The following FAM13C variants were observed in gnomAD, a reference collection of about 807,000 sequenced individuals.
FAM13C encodes family with sequence similarity 13 member C.
A neutral mutation model predicts 73.2 loss-of-function variants in FAM13C; 37 were observed. That is an observed-to-expected ratio of 0.51 (90% CI 0.39 to 0.67). The LOEUF (loss-of-function observed/expected upper bound fraction) is 0.67. Ranked by LOEUF, FAM13C falls within the 30% of genes least tolerant of loss-of-function variation. The probability of loss-of-function intolerance (pLI) is 0.00; values close to 1 mark genes in which losing one functional copy is unlikely to be tolerated. For missense variants in FAM13C, 589 were observed against 715.6 expected, an observed-to-expected ratio of 0.82 and a Z score of 2.02; for synonymous variants, 246 against 260.9, an observed-to-expected ratio of 0.94 and a Z score of 0.55.
At position 59,351,087 on chromosome 10, in the gene FAM13C, G is replaced by A. The variant is rs1271001096; in HGVS notation, c.324+1183C>T. Among the ~76,000 whole-genome samples the A allele has an allele frequency of 7.2e-5, 11 of 151,920 alleles. No homozygotes were observed. In the East Asian group the frequency reaches 1.7e-3, roughly 24 times the overall value. ...GCGTGGTGGCTCACTTTCACAACCC[G>A]AGCACTTTGGGAGGCTGAGGCAGGT... On this transcript the variant is annotated intron_variant, in intron 3 of 13. Transcript: ENST00000618804.
chr10:59,262,272 T>C (rs1449396099), intron 10 of FAM13C, among the ~76,000 whole-genome samples, 162 bp downstream of exon 10: 2 of 152,170 alleles, frequency 1.3e-5, no homozygotes, highest in Non-Finnish European at 2.9e-5. Context: ...CATGTGGCAC[T>C]ACTGCTCGTG....
chr10:59,356,917 C>T (rs528320366), intron 1 of FAM13C, among the ~76,000 whole-genome samples: 1 of 152,166 alleles, frequency 6.6e-6, no homozygotes, highest in Non-Finnish European at 1.5e-5. Flanking sequence ...ACTTGCTGAG[C>T]CATCTGGCCT....
intron 3 of FAM13C, among the ~76,000 whole-genome samples, chr10:59,333,732 A>G (rs1852330339): frequency 6.6e-6 from 1 of 152,220 alleles, no homozygotes; most frequent in Non-Finnish European, 1.5e-5. Flanking sequence ...TTAGTTTAGC[A>G]AGAATCAAAT....
intron 4 of FAM13C, among the ~76,000 whole-genome samples, chr10:59,321,736 C>A (rs1390764477): frequency 1.3e-5 from 2 of 152,032 alleles, no homozygotes; most frequent in Non-Finnish European, 2.9e-5. Context: ...CAATGCCCAT[C>A]TCATGACCTC....
intron 3 of FAM13C, among the ~76,000 whole-genome samples, chr10:59,330,239 C>G (rs1851796170): frequency 6.6e-6 from 1 of 152,186 alleles, no homozygotes; most frequent in Non-Finnish European, 1.5e-5. Context: ...CACACCAGAT[C>G]ACATGACTGA....
chr10:59,352,502 AGTACCTT>A (rs1315235997), intron 2 of FAM13C, 28 bp from the exon 3 acceptor site: 2 of 1,553,582 alleles, frequency 1.3e-6, no homozygotes, highest in Admixed American at 2.0e-5. Context: ...CAATTTAGAA[AGTACCTT>A]AAAAAAAGAT....
intron 11 of FAM13C, among the ~76,000 whole-genome samples, chr10:59,253,386 G>GA (rs887796850): frequency 6.6e-6 from 1 of 152,194 alleles, no homozygotes; most frequent in African/African-American, 2.4e-5. Context: ...GTGGACTACG[G>GA]ACAACTTTTA....
At chr10:59,321,807 C>T (rs929898316) in intron 4 of FAM13C, among the ~76,000 whole-genome samples, 2 of 152,122 alleles carry the variant, frequency 1.3e-5, no homozygotes, top group African/African-American at 4.8e-5. Flanking sequence ...CTGACTACTC[C>T]TTCGAGTCTC....
intron 13 of FAM13C, among the ~76,000 whole-genome samples, chr10:59,250,791 A>G (rs1461382545): frequency 2.0e-5 from 3 of 152,206 alleles, no homozygotes; most frequent in African/African-American, 7.2e-5. Flanking sequence ...TGGGAAAGTT[A>G]CACTCTTCAT....
intron 5 of FAM13C, among the ~76,000 whole-genome samples, chr10:59,298,456 C>T (rs141204842): frequency 5.2e-4 from 79 of 152,190 alleles, no homozygotes; most frequent in African/African-American, 1.8e-3. Flanking sequence ...GCACAGAGGC[C>T]GTGAACAGTT....
chr10:59,270,347 T>C (rs962306413), intron 6 of FAM13C: 9 of 495,634 alleles, frequency 1.8e-5, no homozygotes, highest in Non-Finnish European at 3.2e-5. Flanking sequence ...GTATGAGTTA[T>C]ACAATCAACA....
At chr10:59,324,911 C>T (rs1441278376) in intron 3 of FAM13C, among the ~76,000 whole-genome samples, 1 of 138,170 alleles carries the variant, frequency 7.2e-6, no homozygotes, top group Non-Finnish European at 1.5e-5. Flanking sequence ...CACACCAAAA[C>T]TAAAACTAAT....
chr10:59,254,282 T>C, intron 11 of FAM13C, 66 bp downstream of exon 11: 2 of 1,063,696 alleles, frequency 1.9e-6, no homozygotes, highest in Non-Finnish European at 2.7e-6. Context: ...ACTCTTGTAC[T>C]ACTATGTGAC....
intron 4 of FAM13C, among the ~76,000 whole-genome samples, chr10:59,315,400 A>T (rs1849404704): frequency 6.6e-6 from 1 of 152,198 alleles, no homozygotes; most frequent in African/African-American, 2.4e-5. Context: ...AAAGACTCAC[A>T]TAAAACATGG....
At chr10:59,271,436 A>G (rs905912235) in intron 6 of FAM13C, among the ~76,000 whole-genome samples, 2 of 152,192 alleles carry the variant, frequency 1.3e-5, no homozygotes, top group Non-Finnish European at 2.9e-5. Context: ...AGAATGGATA[A>G]CGCCTCCTAT....
In FAM13C at chr10:59,313,726, G is replaced by T. The variant is rs147641634; in HGVS notation, c.443+10262C>A. On this transcript the variant is annotated intron_variant, in intron 4 of 13. Transcript: ENST00000618804. The stretch of plus-strand genomic sequence containing the variant: ...AAACAGATCTATGAAGGTAACCTGG[G>T]CTCTGTGCAGGATGGATATGGAAGC... Among the ~76,000 whole-genome samples the T allele has an allele frequency of 4.5e-4, 68 of 152,252 alleles. 1 individual carries two copies. The East Asian group carries it at 0.013, about 28-fold the overall frequency.
At chr10:59,350,007 T>A (rs1438924779) in intron 3 of FAM13C, among the ~76,000 whole-genome samples, 1 of 152,230 alleles carries the variant, frequency 6.6e-6, no homozygotes, top group African/African-American at 2.4e-5. Flanking sequence ...CAAGTGTCCT[T>A]ACATTCTTAC....
rs73299236 is a variant in FAM13C at position 59,325,645 on chromosome 10, C to T, written c.325-1539G>A. Among the ~76,000 whole-genome samples, 1,304 of 152,242 alleles carry T rather than the reference C, an allele frequency of 8.6e-3. 25 individuals carry two copies. The highest frequency in any genetic ancestry group is 0.03 in the African/African-American group (1,239 of 41,530). ...TCAGTGTATGACCTTGGCCAAATTA[C>T]ATAAGTTATCTGGGCTCAGTTTCCT... On this transcript the variant is annotated intron_variant, in intron 3 of 13. Coordinates refer to ENST00000618804, the MANE Select transcript of FAM13C (RefSeq NM_198215.4).
At chr10:59,262,300 A>C in intron 10 of FAM13C, 134 bp downstream of exon 10, 1 of 729,970 alleles carries the variant, frequency 1.4e-6, no homozygotes, top group Non-Finnish European at 2.2e-6. Flanking sequence ...ACCTGTCAGG[A>C]ACTCATCTGA....
Sources: allele counts gnomAD v4.1 joint callset (sites outside exome capture counted in the v4.1 genomes callset), GRCh38; gene constraint gnomAD v4.1.1; transcripts MANE v1.5; gene names NCBI Gene and HGNC (gene_info 2026-07-23, HGNC 2026-07-21).